The following LPIN1 variants were observed in gnomAD, a reference collection of about 807,000 sequenced individuals.
LPIN1 encodes phosphatidate phosphatase LPIN1.
In LPIN1, 71 loss-of-function variants were observed where a neutral mutation model predicts 107.5. That is an observed-to-expected ratio of 0.66 (90% CI 0.55 to 0.80). LPIN1 has a LOEUF of 0.80. LPIN1 is among the 30% of genes least tolerant of loss of function. LPIN1 has a pLI of 0.00. For missense variants in LPIN1, 1,043 were observed against 1,160.6 expected, an observed-to-expected ratio of 0.90 and a Z score of 1.47; for synonymous variants, 445 against 452.6, an observed-to-expected ratio of 0.98 and a Z score of 0.21.
intron 13 of LPIN1, among the ~76,000 whole-genome samples, chr2:11,793,659 C>T (rs1242560611): frequency 6.6e-6 from 1 of 152,188 alleles, no homozygotes; most frequent in African/African-American, 2.4e-5. Flanking sequence ...TTCTGTGGAC[C>T]CCTCTCCCCT....
At chr2:11,773,006 A>T (rs1672105426) in intron 4 of LPIN1, among the ~76,000 whole-genome samples, 2 of 152,204 alleles carry the variant, frequency 1.3e-5, no homozygotes, top group Middle Eastern at 3.2e-3. Context: ...CATGGCTGTT[A>T]AGTACAAAAT....
At chr2:11,821,100 C>T (rs1206408195) in intron 20 of LPIN1, among the ~76,000 whole-genome samples, 1 of 152,238 alleles carries the variant, frequency 6.6e-6, no homozygotes, top group Non-Finnish European at 1.5e-5. Context: ...AGCATTTCCT[C>T]ATTCCATGTT....
At position 11,796,394 on chromosome 2, in the gene LPIN1, C is replaced by G. The variant is rs113374628; in HGVS notation, c.1886+907C>G. On this transcript the variant is annotated intron_variant, in intron 14 of 20. Transcript: ENST00000674199. The stretch of plus-strand genomic sequence containing the variant: ...CTGAATCCCGGCCATGGCTCTGTGT[C>G]TTAAACAATTTTACATCTAGGATTC... 7.5e-3 allele frequency among the ~76,000 whole-genome samples: 1,138 copies of G among 152,246 alleles called. 17 individuals carry two copies. The highest frequency in any genetic ancestry group is 0.026 in the African/African-American group (1,087 of 41,530).
At chr2:11,759,133 TTTTCTTTCTTTCTTTCTTTCTTTC>T (rs201897285) in intron 1 of LPIN1, among the ~76,000 whole-genome samples, 77 of 131,640 alleles carry the variant, frequency 5.8e-4, no homozygotes, top group African/African-American at 1.8e-3. Context: ...GCTTTCTTTC[TTTTCTTTCTTTCTTTCTTTCTTTC>T]TTTCTTTCTT....
chr2:11,677,969 CT>C (rs1558707564), intron 1 of LPIN1, among the ~76,000 whole-genome samples: 2 of 152,354 alleles, frequency 1.3e-5, no homozygotes, highest in East Asian at 3.9e-4. Flanking sequence ...GAATTAAAGG[CT>C]TTTTTCTTTG....
At chr2:11,723,953 C>T (rs1664350618), upstream of LPIN1, 1 of 152,184 alleles carries the variant, frequency 6.6e-6, no homozygotes, top group Non-Finnish European at 1.5e-5. Context: ...ACAAAAATCT[C>T]AATATCAAAC....
At chr2:11,733,900 G>A in intron 1 of LPIN1, among the ~76,000 whole-genome samples, 1 of 152,200 alleles carries the variant, frequency 6.6e-6, no homozygotes, top group East Asian at 1.9e-4. Context: ...ACAATGAAAG[G>A]AATCCAAGAG....
chr2:11,792,818 C>T (rs1676007220), intron 13 of LPIN1, among the ~76,000 whole-genome samples: 1 of 152,050 alleles, frequency 6.6e-6, no homozygotes, highest in Non-Finnish European at 1.5e-5. Flanking sequence ...TTCAGATCTT[C>T]GTTGCCCTCT....
intron 1 of LPIN1, among the ~76,000 whole-genome samples, chr2:11,736,435 C>T (rs778856481): frequency 6.6e-6 from 1 of 152,190 alleles, no homozygotes; most frequent in Non-Finnish European, 1.5e-5. Flanking sequence ...GTCTCCTCCT[C>T]TTCTTATAAG....
At chr2:11,713,619 A>C in intron 1 of LPIN1, 1 of 585,024 alleles carries the variant, frequency 1.7e-6, no homozygotes, top group Non-Finnish European at 3.0e-6. Flanking sequence ...CATATAGCCT[A>C]CATACCACCG....
intron 2 of LPIN1, among the ~76,000 whole-genome samples, chr2:11,714,239 G>T (rs568732041): frequency 6.6e-6 from 1 of 152,334 alleles, no homozygotes; most frequent in Admixed American, 6.5e-5. Context: ...AGCCCCTCAA[G>T]GCCCTTCCCC....
chr2:11,818,334 C>T (rs1049918788), intron 18 of LPIN1: 1 of 152,180 alleles, frequency 6.6e-6, no homozygotes, highest in Non-Finnish European at 1.5e-5. Flanking sequence ...TTGTTTAGGT[C>T]TTTCCTAATA....
intron 1 of LPIN1, among the ~76,000 whole-genome samples, chr2:11,751,290 T>TGGGG (rs77022846): frequency 6.6e-6 from 1 of 151,840 alleles, no homozygotes; most frequent in Non-Finnish European, 1.5e-5. Flanking sequence ...GTTTCAGTGA[T>TGGGG]GGAGACCCTG....
At chr2:11,679,273 G>A (rs1037399641) in intron 1 of LPIN1, among the ~76,000 whole-genome samples, 1 of 152,198 alleles carries the variant, frequency 6.6e-6, no homozygotes, top group Non-Finnish European at 1.5e-5. Flanking sequence ...GGAAGATGGG[G>A]AGAGGAACCC....
exon 1 of LPIN1, chr2:11,724,423 A>G: frequency 6.1e-6 from 6 of 986,048 alleles, no homozygotes; most frequent in Non-Finnish European, 7.2e-6. Context: ...GGGAAGAGAG[A>G]TGAAGGGCAA....
rs1388859276 is a variant in LPIN1 at position 11,824,687 on chromosome 2, C to T, written c.2677C>T (p.His893Tyr). The T allele has an allele frequency of 4.3e-6, 7 of 1,614,076 alleles. No individual in the cohort carries two copies. Among genetic ancestry groups the T allele is most frequent in the Non-Finnish European group, 5.9e-6 (7 of 1,180,014 alleles). The stretch of plus-strand genomic sequence containing the variant: ...CGTTTTCCCGTTGCTGAAAAGAAGC[C>T]ATTCTTCAGACTTTCCCTGTTCGGA... ...DHVFPLLKRS[H>Y]SSDFPCSDTF... is the part of the protein sequence containing the mutation. Residue 893 changes from histidine to tyrosine, a missense_variant, in exon 21 of 21, where the codon CAT (histidine) becomes TAT (tyrosine). Coordinates refer to ENST00000674199, the MANE Select transcript of LPIN1 (RefSeq NM_001349206.2).
At chr2:11,783,631 G>A (rs1222083095) in intron 8 of LPIN1, among the ~76,000 whole-genome samples, 198 bp from the exon 9 acceptor site, 1 of 152,206 alleles carries the variant, frequency 6.6e-6, no homozygotes, top group African/African-American at 2.4e-5. Flanking sequence ...AAACCTCAAA[G>A]TATTTGTCTA....
chr2:11,763,449 C>T (rs559809087), intron 1 of LPIN1, among the ~76,000 whole-genome samples: 4 of 152,330 alleles, frequency 2.6e-5, no homozygotes, highest in Middle Eastern at 3.4e-3. Flanking sequence ...GGGCATAACA[C>T]GGCGGCAGCT....
At chr2:11,735,349 C>T (rs1184378890) in intron 1 of LPIN1, among the ~76,000 whole-genome samples, 1 of 151,668 alleles carries the variant, frequency 6.6e-6, no homozygotes, top group Non-Finnish European at 1.5e-5. Context: ...TAATGTTCCT[C>T]TTACATCTTT....
Sources: allele counts gnomAD v4.1 joint callset (sites outside exome capture counted in the v4.1 genomes callset), GRCh38; gene constraint gnomAD v4.1.1; transcripts MANE v1.5; gene names NCBI Gene and HGNC (gene_info 2026-07-23, HGNC 2026-07-21).